SPOCK3: variants seen among roughly 807,000 people sequenced by gnomAD.
The protein encoded by SPOCK3 is testican-3.
A neutral mutation model predicts 56.6 loss-of-function variants in SPOCK3; 30 were observed. That is an observed-to-expected ratio of 0.53 (90% CI 0.40 to 0.72). The LOEUF (loss-of-function observed/expected upper bound fraction) is 0.72, where lower values mean the gene tolerates loss of function less well. Ranked by LOEUF, SPOCK3 falls within the 30% of genes least tolerant of loss-of-function variation. The pLI is 0.00. For synonymous variants in SPOCK3, 196 were observed against 183.3 expected (o/e 1.07, Z -0.56); for missense variants, 527 against 530.0 (o/e 0.99, Z 0.06).
intron 6 of SPOCK3, among the ~76,000 whole-genome samples, chr4:166,826,720 C>T (rs1431013993): frequency 6.6e-6 from 1 of 152,112 alleles, no homozygotes; most frequent in African/African-American, 2.4e-5. Context: ...TCTGGGAGCA[C>T]AGTACCTTAA....
intron 2 of SPOCK3, among the ~76,000 whole-genome samples, chr4:167,142,824 C>A (rs1263652297): frequency 6.6e-6 from 1 of 151,882 alleles, no homozygotes; most frequent in Non-Finnish European, 1.5e-5. Context: ...AATATAAATT[C>A]TTTTTTAATA....
chr4:166,802,043 G>C (rs930445084), intron 6 of SPOCK3, among the ~76,000 whole-genome samples: 3 of 151,994 alleles, frequency 2.0e-5, no homozygotes, highest in African/African-American at 7.2e-5. Context: ...AGCCAAGTCA[G>C]AAAGTTTTTC....
At chr4:166,743,380 A>G (rs1399512346) in intron 8 of SPOCK3, among the ~76,000 whole-genome samples, 5 of 152,210 alleles carry the variant, frequency 3.3e-5, no homozygotes, top group Non-Finnish European at 5.9e-5. Flanking sequence ...GGAATAAAGA[A>G]TGAGATAGGT....
At chr4:166,866,037 A>G (rs1731796788) in intron 6 of SPOCK3, among the ~76,000 whole-genome samples, 1 of 152,184 alleles carries the variant, frequency 6.6e-6, no homozygotes. Context: ...AGAATACTGC[A>G]AGGCTATGGT....
chr4:166,856,234 G>A (rs72697536), intron 6 of SPOCK3, among the ~76,000 whole-genome samples: 611 of 152,054 alleles, frequency 4.0e-3, no homozygotes, highest in Non-Finnish European at 6.1e-3. Context: ...TGGGCACAAA[G>A]TTTCCATTAG....
In SPOCK3 at chr4:166,840,817, C is replaced by T. The variant is rs531234407; in HGVS notation, c.589+48313G>A. Among the ~76,000 whole-genome samples the T allele has an allele frequency of 2.7e-3, 353 of 128,802 alleles. 1 individual carries two copies. Among genetic ancestry groups the T allele is most frequent in the African/African-American group, 0.011 (339 of 31,560 alleles). 84.5% of individuals were successfully genotyped at this position (128,802 alleles called of 152,430 possible). ...TTTTTTAGATGCAGTCTCGCTCTGT[C>T]GCCCAGGCTGGAGTGCAGTGGCGCA... On this transcript the variant is annotated intron_variant, in intron 6 of 10. Transcript: ENST00000357545.
intron 5 of SPOCK3, among the ~76,000 whole-genome samples, chr4:166,898,094 G>C (rs1386077375): frequency 1.3e-5 from 2 of 152,076 alleles, no homozygotes; most frequent in South Asian, 2.1e-4. Flanking sequence ...CAGCTACTCA[G>C]GAAGCTGAGG....
intron 4 of SPOCK3, among the ~76,000 whole-genome samples, chr4:166,934,942 A>C (rs1740227538): frequency 6.6e-6 from 1 of 152,098 alleles, no homozygotes; most frequent in Admixed American, 6.5e-5. Flanking sequence ...GAAGGAGGTG[A>C]AGGAAGAATC....
intron 4 of SPOCK3, among the ~76,000 whole-genome samples, chr4:166,960,956 G>A (rs1240250100): frequency 6.6e-6 from 1 of 152,156 alleles, no homozygotes; most frequent in Non-Finnish European, 1.5e-5. Flanking sequence ...AAAGCTTGTA[G>A]ATTAGATTAG....
intron 3 of SPOCK3, among the ~76,000 whole-genome samples, chr4:167,015,507 T>C (rs537066981): frequency 1.3e-4 from 20 of 152,314 alleles, no homozygotes; most frequent in African/African-American, 4.8e-4. Flanking sequence ...AAGATTGATG[T>C]TGCTTAAATA....
chr4:167,041,557 C>T (rs1179699413), intron 3 of SPOCK3, among the ~76,000 whole-genome samples: 2 of 152,076 alleles, frequency 1.3e-5, no homozygotes, highest in African/African-American at 2.4e-5. Flanking sequence ...CCTACTCCCC[C>T]TACAAATTTT....
chr4:167,185,318 C>T lies in SPOCK3; in HGVS notation c.189+48667G>A, dbSNP rs545408090. Among the ~76,000 whole-genome samples the T allele has an allele frequency of 1.7e-3, 266 of 152,286 alleles. 1 individual carries two copies. Among genetic ancestry groups the T allele is most frequent in the African/African-American group, 5.6e-3 (234 of 41,566 alleles). ...CATTATGTCACGCATTTATCTTTTA[C>T]TGTAATATTCCCACCATTGATAAAT... On this transcript the variant is annotated intron_variant, in intron 2 of 10. Transcript: ENST00000357545.
chr4:166,867,140 C>A (rs901755576), intron 6 of SPOCK3, among the ~76,000 whole-genome samples: 5 of 151,882 alleles, frequency 3.3e-5, no homozygotes, highest in African/African-American at 1.2e-4. Flanking sequence ...GCACAGTTTG[C>A]AGAATTGAGA....
At chr4:166,928,780 C>T (rs1739399569) in intron 4 of SPOCK3, among the ~76,000 whole-genome samples, 1 of 152,044 alleles carries the variant, frequency 6.6e-6, no homozygotes, top group South Asian at 2.1e-4. Flanking sequence ...ACAGCCTGGC[C>T]AACATGGTGA....
rs370029466 is a variant in SPOCK3, at chr4:166,856,779, A to T, written c.589+32351T>A. On this transcript the variant is annotated intron_variant, in intron 6 of 10. Coordinates refer to ENST00000357545, the MANE Select transcript of SPOCK3 (RefSeq NM_001040159.2). ...ACAGAGCAAGGCACTTCTCAAAAAA[A>T]TTATCTATCTATCTATCTATCTATC... 4.1e-5 allele frequency among the ~76,000 whole-genome samples: 4 copies of T among 97,808 alleles called. No homozygotes were observed. The East Asian group carries it at 8.4e-4, about 21-fold the overall frequency. The allele number at this position is 97,808 out of a possible 152,430, so 64.2% of individuals were successfully genotyped here. A position where few individuals can be genotyped will look rare whatever the true frequency, so the allele number is the denominator to read the frequency against.
intron 2 of SPOCK3, among the ~76,000 whole-genome samples, chr4:167,216,057 T>G (rs75558073): frequency 0.032 from 4,809 of 152,220 alleles, 115 homozygotes; most frequent in Middle Eastern, 0.075. Context: ...TACTGGCAAA[T>G]GTTGCCTGGG....
rs560407066 is a variant in SPOCK3 at position 166,739,156 on chromosome 4, C to G, written c.995-1552G>C. On this transcript the variant is annotated intron_variant, in intron 9 of 10. Coordinates refer to ENST00000357545, the MANE Select transcript of SPOCK3 (RefSeq NM_001040159.2). ...GTTGTTTCCTGACTTTTTAATGATT[C>G]CCATTCTAACCGGTGTGAGATGGTA... Among the ~76,000 whole-genome samples, 15 of 152,186 alleles carry G rather than the reference C, an allele frequency of 9.9e-5. No homozygotes were observed. In the South Asian group the frequency reaches 1.9e-3, roughly 19 times the overall value.
At chr4:166,917,414 C>T (rs952664506) in intron 4 of SPOCK3, among the ~76,000 whole-genome samples, 4 of 151,896 alleles carry the variant, frequency 2.6e-5, no homozygotes, top group East Asian at 1.9e-4. Context: ...CCCCACGTGT[C>T]GAGGGAGGGA....
intron 2 of SPOCK3, among the ~76,000 whole-genome samples, chr4:167,085,872 T>C (rs1260200601): frequency 1.3e-5 from 2 of 152,090 alleles, no homozygotes; most frequent in Non-Finnish European, 2.9e-5. Flanking sequence ...CATTATGATA[T>C]AGGTATTTAT....
Sources: allele counts gnomAD v4.1 joint callset (sites outside exome capture counted in the v4.1 genomes callset), GRCh38; gene constraint gnomAD v4.1.1; transcripts MANE v1.5; gene names NCBI Gene and HGNC (gene_info 2026-07-23, HGNC 2026-07-21).